SCAMP2: variants seen among roughly 807,000 people sequenced by gnomAD.
SCAMP2 encodes secretory carrier-associated membrane protein 2.
Under a neutral mutation model 44.1 loss-of-function variants are expected in SCAMP2, and 25 were observed. The ratio of observed to expected loss-of-function variants is 0.57; its 90% CI spans 0.41 to 0.79. The LOEUF (loss-of-function observed/expected upper bound fraction) is 0.79. SCAMP2 is among the 30% of genes least tolerant of loss of function. The pLI, the probability that SCAMP2 is intolerant of heterozygous loss-of-function variation, is 0.00. For synonymous variants in SCAMP2, 156 were observed against 166.0 expected, an observed-to-expected ratio of 0.94 and a Z score of 0.46; for missense variants, 355 against 411.0, an observed-to-expected ratio of 0.86 and a Z score of 1.18.
chr15:74,854,191 G>C, intron 2 of SCAMP2, 72 bp from the exon 3 acceptor site: 1 of 1,325,046 alleles, frequency 7.5e-7, no homozygotes, highest in Non-Finnish European at 1.1e-6. Flanking sequence ...CAAACCCACA[G>C]CAGGATGAGT....
chr15:74,868,677 A>G (rs567782673), intron 1 of SCAMP2, among the ~76,000 whole-genome samples: 1 of 152,238 alleles, frequency 6.6e-6, no homozygotes, highest in East Asian at 1.9e-4. Flanking sequence ...CGAGTAGCTG[A>G]GCCCACAGGT....
At chr15:74,872,798 T>A in intron 1 of SCAMP2, 1 of 168,850 alleles carries the variant, frequency 5.9e-6, no homozygotes, top group Non-Finnish European at 1.3e-5. Flanking sequence ...CACCTCCTCA[T>A]ATGTTGCTGT....
intron 1 of SCAMP2, among the ~76,000 whole-genome samples, chr15:74,858,284 T>C (rs2064480124): frequency 6.6e-6 from 1 of 152,174 alleles, no homozygotes; most frequent in Non-Finnish European, 1.5e-5. Flanking sequence ...AGGGTTTTAC[T>C]GGCCTTCCTT....
intron 5 of SCAMP2, 102 bp downstream of exon 5, chr15:74,851,251 G>T: frequency 7.3e-7 from 1 of 1,362,368 alleles, no homozygotes; most frequent in Non-Finnish European, 1.0e-6. Flanking sequence ...GCTGGAGTCT[G>T]CTGAAAGCCT....
chr15:74,863,346 CAA>C (rs150913695), intron 1 of SCAMP2, among the ~76,000 whole-genome samples: 9 of 129,944 alleles, frequency 6.9e-5, no homozygotes, highest in Non-Finnish European at 8.3e-5. Flanking sequence ...GACTCCGTCT[CAA>C]AAAAAAAAAA....
At chr15:74,863,387 T>C (rs896502059) in intron 1 of SCAMP2, among the ~76,000 whole-genome samples, 16 of 150,500 alleles carry the variant, frequency 1.1e-4, no homozygotes, top group African/African-American at 3.9e-4. Context: ...CGTGGGTACC[T>C]GTGGTCCCAG....
At chr15:74,870,308 G>A (rs2141183687) in intron 1 of SCAMP2, among the ~76,000 whole-genome samples, 1 of 152,242 alleles carries the variant, frequency 6.6e-6, no homozygotes, top group East Asian at 1.9e-4. Flanking sequence ...ATTAATACAG[G>A]GTAGAACTAT....
At chr15:74,866,066 A>AAAAG (rs1157328728) in intron 1 of SCAMP2, among the ~76,000 whole-genome samples, 4 of 151,734 alleles carry the variant, frequency 2.6e-5, no homozygotes, top group African/African-American at 9.7e-5. Context: ...GAAAAGAAAA[A>AAAAG]AAAGAAAGAC....
intron 1 of SCAMP2, among the ~76,000 whole-genome samples, chr15:74,868,111 C>T (rs2064554461): frequency 1.3e-5 from 2 of 152,224 alleles, no homozygotes; most frequent in East Asian, 1.9e-4. Flanking sequence ...AAAGCAGCTG[C>T]CATAACCAAC....
chr15:74,854,647 A>G lies in SCAMP2; in HGVS notation c.60T>C (p.Asp20=). 1.2e-6 allele frequency: 2 copies of G among 1,608,430 alleles called. No individual in the cohort carries two copies. Among genetic ancestry groups the G allele is most frequent in the Non-Finnish European group, 1.7e-6 (2 of 1,177,490 alleles). Reference sequence around the variant, plus strand: ...CGTTGGTCAGCTGGGTCACAGAGGGATCCTGAGAAGGTGAAAAAAAGCCCT... The same window carrying G: ...CGTTGGTCAGCTGGGTCACAGAGGGGTCCTGAGAAGGTGAAAAAAAGCCCT... ...ADPVDVNPFQ[D]PSVTQLTNAP... is the part of the protein sequence containing the mutation. Residue 20 remains aspartate, a splice_region_variant and synonymous_variant, in exon 2 of 9, where the codon GAT becomes GAC. Transcript: ENST00000268099.
chr15:74,845,592 C>T lies in SCAMP2; in HGVS notation c.736G>A (p.Gly246Ser), dbSNP rs1032059198. 5.6e-6 allele frequency: 9 copies of T among 1,613,888 alleles called. No individual in the cohort carries two copies. Among genetic ancestry groups the T allele is most frequent in the South Asian group, 1.1e-5 (1 of 91,066 alleles). ...AGTGTAGACAGGGCTGCAATCCAAC[C>T]GCTATAAAGGGAAGAAGAGGCCAGA... is the stretch of plus-strand genomic sequence containing the variant. ...LVGIPGLGDSGWIAALSTLDN... is the reference protein window; with the variant it reads ...LVGIPGLGDSSWIAALSTLDN... The change falls in exon 8 of 9, where the codon GGT (glycine) becomes AGT (serine). Residue 246 changes from glycine (G) to serine (S), a missense_variant and splice_region_variant. By Grantham distance (56) the Gly-to-Ser change is moderately conservative. Coordinates refer to ENST00000268099, the MANE Select transcript of SCAMP2 (RefSeq NM_005697.5).
intron 8 of SCAMP2, 48 bp from the exon 9 acceptor site, chr15:74,845,265 A>C: frequency 1.9e-6 from 3 of 1,601,444 alleles, no homozygotes; most frequent in Non-Finnish European, 2.6e-6. Context: ...TGGGCCCACC[A>C]GGAAGCCAGC....
chr15:74,869,213 C>T (rs2064560831), intron 1 of SCAMP2, among the ~76,000 whole-genome samples: 1 of 151,874 alleles, frequency 6.6e-6, no homozygotes, highest in Admixed American at 6.6e-5. Context: ...CCTATTTGAC[C>T]ACAGAACCAT....
intron 1 of SCAMP2, among the ~76,000 whole-genome samples, chr15:74,864,887 G>T (rs965788106): frequency 6.6e-6 from 1 of 151,542 alleles, no homozygotes; most frequent in Non-Finnish European, 1.5e-5. Context: ...AGAAGTTTGA[G>T]ACCAGTCTGG....
chr15:74,855,044 T>TA (rs2064459531), intron 1 of SCAMP2, among the ~76,000 whole-genome samples: 1 of 151,348 alleles, frequency 6.6e-6, no homozygotes, highest in Non-Finnish European at 1.5e-5. Context: ...AGAGACTTAC[T>TA]ATTGACTTTA....
At chr15:74,845,727 G>C in intron 7 of SCAMP2, 134 bp from the exon 8 acceptor site, 1 of 1,131,540 alleles carries the variant, frequency 8.8e-7, no homozygotes, top group South Asian at 1.4e-5. Flanking sequence ...AGGGAGCCCT[G>C]TGAGCCAGAA....
chr15:74,856,240 CT>C (rs1208045589), intron 1 of SCAMP2, among the ~76,000 whole-genome samples: 2 of 148,102 alleles, frequency 1.4e-5, no homozygotes, highest in Non-Finnish European at 3.0e-5. Flanking sequence ...CTCACCTCCA[CT>C]GGAAGCCTCT....
intron 4 of SCAMP2, 147 bp from the exon 5 acceptor site, chr15:74,851,628 A>T (rs1388238184): frequency 4.2e-6 from 4 of 955,864 alleles, no homozygotes; most frequent in Non-Finnish European, 6.2e-6. Flanking sequence ...TGGAGCATGG[A>T]GTGGGACAGA....
chr15:74,866,317 G>GT (rs1278298397), intron 1 of SCAMP2, among the ~76,000 whole-genome samples: 1 of 151,834 alleles, frequency 6.6e-6, no homozygotes, highest in African/African-American at 2.4e-5. Context: ...TAAGAGTGAG[G>GT]ACATGCCTGG....
Sources: gnomAD v4.1 joint callset for allele counts (sites outside exome capture counted in the v4.1 genomes callset) on GRCh38, gnomAD v4.1.1 for gene constraint, MANE v1.5 for transcripts, NCBI Gene and HGNC (gene_info 2026-07-23, HGNC 2026-07-21) for gene names.